Variants in MAGI2 observed in about 807,000 individuals in gnomAD.
MAGI2 encodes membrane associated guanylate kinase, WW and PDZ domain containing 2.
Under a neutral mutation model 133.3 loss-of-function variants are expected in MAGI2, and 35 were observed. The observed-to-expected ratio is 0.26, with a 90% confidence interval of 0.20 to 0.35. The LOEUF is 0.35. MAGI2 is among the 10% of genes least tolerant of loss of function. The pLI is 1.00. For missense variants in MAGI2, 1,636 were observed against 1,863.4 expected (o/e 0.88, Z 2.25); for synonymous variants, 729 against 710.6 (o/e 1.03, Z -0.41).
intron 20 of MAGI2, among the ~76,000 whole-genome samples, chr7:78,098,308 C>A (rs1817898487): frequency 6.6e-6 from 1 of 152,104 alleles, no homozygotes; most frequent in African/African-American, 2.4e-5. Context: ...AAGGAATATA[C>A]ATGTAGTATT....
chr7:78,966,541 C>T (rs1073416), intron 2 of MAGI2, among the ~76,000 whole-genome samples: 110,576 of 152,072 alleles, frequency 0.73, 40,601 homozygotes, highest in African/African-American at 0.82. Context: ...TTCCATTGTA[C>T]GTATATGCTA....
chr7:79,093,953 G>A (rs1185040876), intron 1 of MAGI2, among the ~76,000 whole-genome samples: 2 of 151,976 alleles, frequency 1.3e-5, no homozygotes, highest in Non-Finnish European at 2.9e-5. Context: ...GACCTCAGGT[G>A]ACCCGCCTGC....
At chr7:79,044,872 T>C (rs1812023823) in intron 1 of MAGI2, among the ~76,000 whole-genome samples, 1 of 152,216 alleles carries the variant, frequency 6.6e-6, no homozygotes, top group Non-Finnish European at 1.5e-5. Flanking sequence ...CAGTTTCCTA[T>C]AAATTTATAC....
chr7:79,000,914 T>A (rs770361579), intron 2 of MAGI2, among the ~76,000 whole-genome samples: 1 of 152,154 alleles, frequency 6.6e-6, no homozygotes, highest in African/African-American at 2.4e-5. Flanking sequence ...CAAATCTATG[T>A]TCACCTTATT....
At chr7:78,222,619 C>T (rs1428283521) in intron 10 of MAGI2, among the ~76,000 whole-genome samples, 1 of 152,102 alleles carries the variant, frequency 6.6e-6, no homozygotes, top group Non-Finnish European at 1.5e-5. Flanking sequence ...TTTTACTGCC[C>T]CCAAACACAG....
intron 1 of MAGI2, among the ~76,000 whole-genome samples, chr7:79,384,915 T>C (rs1451372724): frequency 6.6e-6 from 1 of 151,752 alleles, no homozygotes; most frequent in Non-Finnish European, 1.5e-5. Flanking sequence ...ATCTTAGCAG[T>C]ATACTATTTC....
intron 3 of MAGI2, among the ~76,000 whole-genome samples, chr7:78,555,688 G>T (rs1475999737): frequency 4.6e-5 from 7 of 152,016 alleles, no homozygotes; most frequent in Non-Finnish European, 8.8e-5. Flanking sequence ...TATTTATAGG[G>T]TGCTAAAGGA....
intron 9 of MAGI2, among the ~76,000 whole-genome samples, chr7:78,324,540 C>T (rs1788380766): frequency 6.6e-6 from 1 of 152,062 alleles, no homozygotes; most frequent in Admixed American, 6.5e-5. Flanking sequence ...AGGGTTATCA[C>T]AAAAATTAAA....
rs534433608 is a variant in MAGI2, at chr7:78,923,596, G to A, written c.418+83494C>T. Among the ~76,000 whole-genome samples, 5 of 152,232 alleles carry A rather than the reference G, an allele frequency of 3.3e-5. No homozygotes were observed. The South Asian group carries it at 1.0e-3, about 32-fold the overall frequency. ...GTACCATGCTGTTTTGATTATTATA[G>A]CCTTGTAGTATAGTTTGAAGTCAGG... On this transcript the variant is annotated intron_variant, in intron 2 of 21. Transcript: ENST00000354212.
At chr7:78,654,784 C>T (rs2151022978) in intron 2 of MAGI2, among the ~76,000 whole-genome samples, 1 of 144,734 alleles carries the variant, frequency 6.9e-6, no homozygotes, top group East Asian at 2.1e-4. Flanking sequence ...AACGAGGTTA[C>T]AAATTGAGAT....
chr7:79,087,200 T>A (rs1816593071), intron 1 of MAGI2, among the ~76,000 whole-genome samples: 2 of 151,878 alleles, frequency 1.3e-5, no homozygotes, highest in Non-Finnish European at 2.9e-5. Context: ...ATCTAAGAAC[T>A]TTGACAGAAT....
intron 16 of MAGI2, among the ~76,000 whole-genome samples, chr7:78,150,588 C>T (rs1159004460): frequency 1.3e-5 from 2 of 152,182 alleles, no homozygotes; most frequent in Non-Finnish European, 2.9e-5. Flanking sequence ...TTGCAATCTC[C>T]CTGTACTATC....
intron 10 of MAGI2, among the ~76,000 whole-genome samples, chr7:78,202,682 C>CAAAAAAA (rs59358280): frequency 2.8e-5 from 2 of 70,534 alleles, no homozygotes; most frequent in Non-Finnish European, 2.5e-5. Context: ...GACTCTGTCT[C>CAAAAAAA]AAAAAAAAAA....
chr7:79,071,822 A>T (rs1815011800), intron 1 of MAGI2, among the ~76,000 whole-genome samples: 1 of 151,984 alleles, frequency 6.6e-6, no homozygotes, highest in Admixed American at 6.6e-5. Context: ...ACCATGTTGG[A>T]GCCTCCCAGT....
At chr7:78,725,783 A>G (rs1820719883) in intron 2 of MAGI2, among the ~76,000 whole-genome samples, 1 of 152,214 alleles carries the variant, frequency 6.6e-6, no homozygotes, top group African/African-American at 2.4e-5. Context: ...TGGGCGTCAG[A>G]GGGAAACTCG....
intron 2 of MAGI2, among the ~76,000 whole-genome samples, chr7:78,899,688 T>C (rs1797465814): frequency 1.3e-5 from 2 of 152,100 alleles, no homozygotes; most frequent in African/African-American, 4.8e-5. Context: ...GTCTCAATCA[T>C]ACAGATCCAA....
chr7:78,375,393 T>A (rs1162096007), intron 6 of MAGI2, among the ~76,000 whole-genome samples: 1 of 152,048 alleles, frequency 6.6e-6, no homozygotes, highest in Non-Finnish European at 1.5e-5. Flanking sequence ...GCATTGGTTA[T>A]GTAAATTCAT....
At chr7:78,367,890 C>T (rs1431807515) in intron 7 of MAGI2, among the ~76,000 whole-genome samples, 2 of 152,044 alleles carry the variant, frequency 1.3e-5, no homozygotes, top group East Asian at 1.9e-4. Flanking sequence ...GACACAGAGG[C>T]CTTATAACTG....
chr7:79,427,403 A>T (rs7806922), intron 1 of MAGI2, among the ~76,000 whole-genome samples: 30,594 of 151,980 alleles, frequency 0.2, 4,413 homozygotes, highest in African/African-American at 0.41. Flanking sequence ...ATTATTTTTT[A>T]AAAAAGATGC....
Sources: gnomAD v4.1 joint callset for allele counts (sites outside exome capture counted in the v4.1 genomes callset) on GRCh38, gnomAD v4.1.1 for gene constraint, MANE v1.5 for transcripts, NCBI Gene and HGNC (gene_info 2026-07-23, HGNC 2026-07-21) for gene names.